The following LRFN2 variants were observed in gnomAD, a reference collection of about 807,000 sequenced individuals.
LRFN2 encodes the protein leucine rich repeat and fibronectin type III domain containing 2, also known as leucine-rich repeat and fibronectin type-III domain-containing protein 2.
Under a neutral mutation model 37.3 loss-of-function variants are expected in LRFN2, and 18 were observed. The ratio of observed to expected loss-of-function variants is 0.48; its 90% confidence interval spans 0.33 to 0.72. LRFN2 has a LOEUF of 0.72. LRFN2 is among the 30% of genes least tolerant of loss of function. LRFN2 has a pLI of 0.02. For synonymous variants in LRFN2, 556 were observed against 466.6 expected, an observed-to-expected ratio of 1.19 and a Z score of -2.47; for missense variants, 1,006 against 1,060.7, an observed-to-expected ratio of 0.95 and a Z score of 0.72.
At chr6:40,504,480 C>A (rs945654458) in intron 1 of LRFN2, among the ~76,000 whole-genome samples, 3 of 151,950 alleles carry the variant, frequency 2.0e-5, no homozygotes, top group East Asian at 3.9e-4. Context: ...AAGAAGTGGG[C>A]GTATGAGGAA....
chr6:40,559,146 G>T (rs545093400), intron 1 of LRFN2, among the ~76,000 whole-genome samples: 125 of 152,154 alleles, frequency 8.2e-4, no homozygotes, highest in Admixed American at 2.6e-3. Flanking sequence ...ATGGCCGCTG[G>T]GTGGGGGTGA....
At chr6:40,393,435 G>A (rs539472290) in intron 2 of LRFN2, among the ~76,000 whole-genome samples, 49 of 152,042 alleles carry the variant, frequency 3.2e-4, no homozygotes, top group South Asian at 1.0e-3. Flanking sequence ...AATGAGAAAG[G>A]AGGTAGTTGA....
intron 2 of LRFN2, among the ~76,000 whole-genome samples, chr6:40,398,940 T>C (rs1014880768): frequency 2.6e-5 from 4 of 151,914 alleles, no homozygotes; most frequent in African/African-American, 9.7e-5. Context: ...TCGAATCTGT[T>C]CTCCACATTT....
At chr6:40,559,210 G>A (rs1766947125) in intron 1 of LRFN2, among the ~76,000 whole-genome samples, 1 of 152,104 alleles carries the variant, frequency 6.6e-6, no homozygotes, top group Non-Finnish European at 1.5e-5. Context: ...CTGATGGGGA[G>A]GGGTCAGCCT....
chr6:40,505,785 T>G (rs114534436), intron 1 of LRFN2, among the ~76,000 whole-genome samples: 1,830 of 152,346 alleles, frequency 0.012, 36 homozygotes, highest in African/African-American at 0.039. Context: ...CTTAAGATCA[T>G]GCCTCCTGGC....
At chr6:40,545,152 C>T (rs953985424) in intron 1 of LRFN2, among the ~76,000 whole-genome samples, 27 of 152,352 alleles carry the variant, frequency 1.8e-4, no homozygotes, top group Admixed American at 1.0e-3. Flanking sequence ...AGCATAAGTG[C>T]CTACCACATA....
chr6:40,486,409 C>T (rs889525356), intron 1 of LRFN2, among the ~76,000 whole-genome samples: 1 of 152,130 alleles, frequency 6.6e-6, no homozygotes, highest in Non-Finnish European at 1.5e-5. Context: ...AAAGGCGGGA[C>T]CCCTGAGCCC....
At chr6:40,491,184 G>A (rs954071287) in intron 1 of LRFN2, among the ~76,000 whole-genome samples, 1 of 152,188 alleles carries the variant, frequency 6.6e-6, no homozygotes, top group East Asian at 1.9e-4. Flanking sequence ...CCGTCACCAC[G>A]GATGCTCACC....
At chr6:40,572,680 T>G (rs1404406355) in intron 1 of LRFN2, among the ~76,000 whole-genome samples, 2 of 152,300 alleles carry the variant, frequency 1.3e-5, no homozygotes, top group South Asian at 4.2e-4. Flanking sequence ...TTAGTTGCCT[T>G]AGAAGCCAGC....
rs748860147 is a variant in LRFN2 at position 40,463,832 on chromosome 6, G to T, written c.-18-30701C>A. ...GCTGAGACTACAGGCATGCACCACC[G>T]TGCCCAGCTAAATTTTTGTATTTTT... On this transcript the variant is annotated intron_variant, in intron 1 of 2. Transcript: ENST00000338305. Among the ~76,000 whole-genome samples, 46 of 151,708 alleles carry T rather than the reference G, an allele frequency of 3.0e-4. 1 individual carries two copies. The highest frequency in any genetic ancestry group is 2.9e-5 in the Non-Finnish European group (2 of 67,922).
rs115281939 is a variant in LRFN2, at chr6:40,539,396, A to T, written c.-19+47545T>A. Among the ~76,000 whole-genome samples the T allele has an allele frequency of 5.5e-3, 840 of 152,278 alleles. 11 individuals are homozygous for T. The highest frequency in any genetic ancestry group is 0.019 in the African/African-American group (803 of 41,538). ...CAGCGTAAGCCAATACTGTTTGGAG[A>T]ATAGAGGAATAAATAAAGACAGAGA... On this transcript the variant is annotated intron_variant, in intron 1 of 2. Coordinates refer to ENST00000338305, the MANE Select transcript of LRFN2 (RefSeq NM_020737.3).
Position 40,444,544 on chromosome 6 carries a change from G to A in LRFN2, c.-18-11413C>T, listed in dbSNP as rs76412094. Among the ~76,000 whole-genome samples, 1,262 of 152,252 alleles carry A rather than the reference G, an allele frequency of 8.3e-3. 21 individuals are homozygous for A. The highest frequency in any genetic ancestry group is 0.029 in the African/African-American group (1,208 of 41,544). On this transcript the variant is annotated intron_variant, in intron 1 of 2. Transcript: ENST00000338305. ...TCCTAATATTGTCTTTCTTCGGGTG[G>A]GAATGGGAGTATCCTGACTCTCACT...
intron 1 of LRFN2, among the ~76,000 whole-genome samples, chr6:40,461,988 T>C (rs1764357862): frequency 6.6e-6 from 1 of 152,234 alleles, no homozygotes; most frequent in Admixed American, 6.5e-5. Context: ...TCACAAGTCT[T>C]GCTGGACCTC....
At chr6:40,567,841 G>A (rs1399451816) in intron 1 of LRFN2, among the ~76,000 whole-genome samples, 6 of 152,102 alleles carry the variant, frequency 3.9e-5, no homozygotes, top group Admixed American at 6.6e-5. Context: ...CTGGTGAGGC[G>A]GCACCAGCAG....
In LRFN2 at chr6:40,421,645, T is replaced by C. The variant is rs138465800; in HGVS notation, c.1400+10069A>G. Reference sequence around the variant, plus strand: ...AATGTTTCTTATCAGACTTAAAGAGTCTGTTCTGTCAGTAATTCCAAAAGA... The same window carrying C: ...AATGTTTCTTATCAGACTTAAAGAGCCTGTTCTGTCAGTAATTCCAAAAGA... On this transcript the variant is annotated intron_variant, in intron 2 of 2. Coordinates refer to ENST00000338305, the MANE Select transcript of LRFN2 (RefSeq NM_020737.3). Among the ~76,000 whole-genome samples the C allele has an allele frequency of 8.9e-4, 136 of 152,060 alleles. 1 individual carries two copies. Among genetic ancestry groups the C allele is most frequent in the African/African-American group, 3.2e-3 (133 of 41,476 alleles).
intron 1 of LRFN2, among the ~76,000 whole-genome samples, chr6:40,433,541 G>C (rs1763567807): frequency 6.6e-6 from 1 of 152,170 alleles, no homozygotes; most frequent in South Asian, 2.1e-4. Context: ...TGGATGGATG[G>C]ATGGATGAAT....
chr6:40,540,748 G>C (rs1382923488), intron 1 of LRFN2, among the ~76,000 whole-genome samples: 1 of 152,150 alleles, frequency 6.6e-6, no homozygotes, highest in African/African-American at 2.4e-5. Flanking sequence ...CCAGCGGTGG[G>C]GCAAGCACCC....
At chr6:40,419,081 C>G (rs1052011404) in intron 2 of LRFN2, among the ~76,000 whole-genome samples, 2 of 152,220 alleles carry the variant, frequency 1.3e-5, no homozygotes, top group African/African-American at 4.8e-5. Context: ...ACAAGCCTGC[C>G]AGGTGATTCT....
chr6:40,504,184 C>G (rs1311790396), intron 1 of LRFN2, among the ~76,000 whole-genome samples: 2 of 152,162 alleles, frequency 1.3e-5, no homozygotes, highest in Non-Finnish European at 2.9e-5. Flanking sequence ...CATAAGAGAC[C>G]AGTAAAAGCT....
Sources: gnomAD v4.1 joint callset for allele counts (sites outside exome capture counted in the v4.1 genomes callset) on GRCh38, gnomAD v4.1.1 for gene constraint, MANE v1.5 for transcripts, NCBI Gene and HGNC (gene_info 2026-07-23, HGNC 2026-07-21) for gene names.